DNAH12: variants seen among roughly 807,000 people sequenced by gnomAD.
DNAH12 encodes the protein dynein axonemal heavy chain 12.
DNAH12 carries 285 observed loss-of-function variants against 371.5 expected under a neutral mutation model. That is an observed-to-expected ratio of 0.77 (90% CI 0.70 to 0.85). The LOEUF is 0.85. Ranked by LOEUF, DNAH12 falls within the 40% of genes least tolerant of loss-of-function variation. DNAH12 has a pLI of 0.00. For missense variants in DNAH12, 3,611 were observed against 3,689.4 expected (o/e 0.98, Z 0.55); for synonymous variants, 1,200 against 1,213.0 (o/e 0.99, Z 0.22).
rs897345378 is a variant in DNAH12, at chr3:57,433,678, T to A, written c.4806A>T (p.Gln1602His). Residue 1602 changes from glutamine (Q) to histidine (H), a missense_variant, in exon 31 of 74, where the codon CAA (glutamine) becomes CAT (histidine). This residue lies in a region of DNAH12 where 2,266 missense variants were observed against 2,236.9 expected (regional missense o/e 1.01). Transcript: ENST00000495027. The stretch of plus-strand genomic sequence containing the variant: ...ACACTGGGTCAAACTGTCCAAAAAG[T>A]TGGCCCATAGTAATAGATTTGGGGT... ...TVNPKSITMGQLFGQFDPVSH... is the reference protein window; with the variant it reads ...TVNPKSITMGHLFGQFDPVSH... 47 of 1,550,448 alleles carry A rather than the reference T, an allele frequency of 3.0e-5. No individual in the cohort carries two copies. The African/African-American group carries it at 4.2e-4, about 14-fold the overall frequency.
intron 60 of DNAH12, among the ~76,000 whole-genome samples, chr3:57,339,160 A>G (rs973724165): frequency 6.6e-6 from 1 of 152,152 alleles, no homozygotes; most frequent in Non-Finnish European, 1.5e-5. Flanking sequence ...TGCTTTGTTA[A>G]ACAGATGCTT....
the DNAH12 span, among the ~76,000 whole-genome samples, chr3:57,553,847 G>A: frequency 6.8e-6 from 1 of 146,490 alleles, no homozygotes; most frequent in East Asian, 2.0e-4. Context: ...TTTTTTCCGA[G>A]ACAGAGTCTT....
rs1383359043 is a variant in DNAH12, at chr3:57,508,373, G to A, written c.701+9C>T. 6 of 1,584,182 alleles carry A rather than the reference G, an allele frequency of 3.8e-6. No homozygotes were observed. In the African/African-American group the frequency reaches 8.2e-5, roughly 22 times the overall value. The stretch of plus-strand genomic sequence containing the variant: ...AGACATTCAAATTTTAAATTAAACG[G>A]GATTTTACCTAATTCCTGTGAAGTC... On this transcript the variant is annotated intron_variant, in intron 7 of 73. Transcript: ENST00000495027.
At chr3:57,516,133 G>C (rs1261334487) in intron 4 of DNAH12, among the ~76,000 whole-genome samples, 2 of 117,842 alleles carry the variant, frequency 1.7e-5, no homozygotes, top group Non-Finnish European at 3.2e-5. Context: ...GCATGATCTT[G>C]ACTCACTGAA....
At chr3:57,516,554 G>T (rs963579284) in intron 4 of DNAH12, among the ~76,000 whole-genome samples, 1 of 152,036 alleles carries the variant, frequency 6.6e-6, no homozygotes, top group Non-Finnish European at 1.5e-5. Flanking sequence ...ATCATCCTTG[G>T]TTCCTCTTTT....
At chr3:57,503,324 A>C (rs574393664) in intron 9 of DNAH12, among the ~76,000 whole-genome samples, 31 of 152,156 alleles carry the variant, frequency 2.0e-4, no homozygotes, top group Non-Finnish European at 3.8e-4. Context: ...TCATCCAACA[A>C]ATATTTATTG....
intron 25 of DNAH12, among the ~76,000 whole-genome samples, chr3:57,448,825 T>G (rs548125597): frequency 2.0e-5 from 3 of 150,070 alleles, no homozygotes; most frequent in African/African-American, 7.4e-5. Flanking sequence ...CCCACCAGAG[T>G]AGCTAGATAC....
At chr3:57,531,133 A>G (rs1232939651) in intron 2 of DNAH12, among the ~76,000 whole-genome samples, 1 of 152,050 alleles carries the variant, frequency 6.6e-6, no homozygotes, top group African/African-American at 2.4e-5. Flanking sequence ...CTTTCAGATG[A>G]TTTCTTGCTG....
Position 57,495,351 on chromosome 3 carries a change from G to A in DNAH12, c.1336-5664C>T, listed in dbSNP as rs745455517. On this transcript the variant is annotated intron_variant, in intron 11 of 73. Coordinates refer to ENST00000495027, the MANE Select transcript of DNAH12 (RefSeq NM_001366028.2). ...AGGTGGGCAGATCACCTGAGGTCACGAGTTCGAGACCAGCATGGCCAACAG... is the reference window on the plus strand; with the variant it reads ...AGGTGGGCAGATCACCTGAGGTCACAAGTTCGAGACCAGCATGGCCAACAG... Among the ~76,000 whole-genome samples, 14 of 147,794 alleles carry A rather than the reference G, an allele frequency of 9.5e-5. 1 individual carries two copies. The highest frequency in any genetic ancestry group is 4.2e-4 in the South Asian group (2 of 4,812).
intron 66 of DNAH12, among the ~76,000 whole-genome samples, chr3:57,312,654 G>C (rs1053329120): frequency 3.3e-5 from 5 of 152,196 alleles, no homozygotes; most frequent in Non-Finnish European, 5.9e-5. Flanking sequence ...GCTGGGGCTT[G>C]GCCAGAAGAT....
intron 43 of DNAH12, among the ~76,000 whole-genome samples, chr3:57,396,065 G>A (rs1456722351): frequency 9.9e-5 from 15 of 151,722 alleles, no homozygotes; most frequent in African/African-American, 3.6e-4. Flanking sequence ...GATCACCTGA[G>A]GTTGGGAGTT....
chr3:57,296,897 A>T lies in DNAH12; in HGVS notation c.11482T>A (p.Tyr3828Asn). The stretch of plus-strand genomic sequence containing the variant: ...ATAGGGGTGGTATATTTTCTGGCAT[A>T]ATTCTGCATAGCTCCAGTTAAAAAG... ...QAFLTGAMQN[Y>N]ARKYTTPIDL... Residue 3828 changes from tyrosine (Y) to asparagine (N), a missense_variant, in exon 71 of 74, where the codon TAT becomes AAT. Transcript: ENST00000495027. 1 of 1,551,706 alleles carries T rather than the reference A, an allele frequency of 6.4e-7. No homozygotes were observed. Among genetic ancestry groups the T allele is most frequent in the Non-Finnish European group, 8.7e-7 (1 of 1,146,998 alleles).
At chr3:57,300,745 T>G (rs192669831) in intron 70 of DNAH12, among the ~76,000 whole-genome samples, 49 of 152,288 alleles carry the variant, frequency 3.2e-4, no homozygotes, top group Non-Finnish European at 6.3e-4. Context: ...AAAGCTTTTG[T>G]GCAATAAAAA....
intron 12 of DNAH12, among the ~76,000 whole-genome samples, chr3:57,489,049 A>T (rs983317419): frequency 3.9e-5 from 6 of 152,230 alleles, no homozygotes; most frequent in African/African-American, 1.4e-4. Flanking sequence ...AACAAGCAAA[A>T]CACATCTACA....
chr3:57,548,472 G>A (rs530657340), upstream of DNAH12, among the ~76,000 whole-genome samples: 2 of 152,266 alleles, frequency 1.3e-5, no homozygotes, highest in Admixed American at 6.5e-5. Flanking sequence ...ACTTTGGAAG[G>A]CTGAGGTGGA....
Position 57,301,668 on chromosome 3 carries a change from C to T in DNAH12, c.11394+67G>A, listed in dbSNP as rs184571375. ...TGTCTGTATATTTTACATATTTATA[C>T]ATGTATTTTACACACACACACACAC... On this transcript the variant is annotated intron_variant, in intron 70 of 73. Transcript: ENST00000495027. 5.3e-5 allele frequency: 78 copies of T among 1,475,484 alleles called. 1 individual carries two copies. The African/African-American group carries it at 9.3e-4, about 18-fold the overall frequency. 91.4% of individuals were successfully genotyped at this position (1,475,484 alleles called of 1,614,324 possible).
the DNAH12 span, among the ~76,000 whole-genome samples, chr3:57,553,022 C>T: frequency 6.6e-6 from 1 of 151,856 alleles, no homozygotes; most frequent in Non-Finnish European, 1.5e-5. Flanking sequence ...ACTAAAAATA[C>T]AACATTAGCT....
chr3:57,416,288 G>A (rs895756993), intron 37 of DNAH12, among the ~76,000 whole-genome samples: 9 of 151,882 alleles, frequency 5.9e-5, no homozygotes, highest in Non-Finnish European at 8.8e-5. Flanking sequence ...GACAGGGCCC[G>A]GCTATGTTGC....
intron 39 of DNAH12, among the ~76,000 whole-genome samples, chr3:57,413,264 T>C (rs1264763986): frequency 6.6e-6 from 1 of 152,198 alleles, no homozygotes; most frequent in Non-Finnish European, 1.5e-5. Flanking sequence ...AAGAAATTAA[T>C]GGATCTCTTA....
Sources: allele counts gnomAD v4.1 joint callset (sites outside exome capture counted in the v4.1 genomes callset), GRCh38; gene constraint gnomAD v4.1.1; regional missense constraint gnomAD v4.1.1; transcripts MANE v1.5; gene names NCBI Gene and HGNC (gene_info 2026-07-23, HGNC 2026-07-21).